The following CCDC80 variants were observed in gnomAD, a reference collection of about 807,000 sequenced individuals.
CCDC80 encodes coiled-coil domain containing 80.
Under a neutral mutation model 78.7 loss-of-function variants are expected in CCDC80, and 49 were observed. That is an observed-to-expected ratio of 0.62 (90% CI 0.50 to 0.79). The LOEUF is 0.79. CCDC80 is among the 30% of genes least tolerant of loss of function. The pLI, the probability that CCDC80 is intolerant of heterozygous loss-of-function variation, is 0.00. For missense variants in CCDC80, 1,205 were observed against 1,198.6 expected, an observed-to-expected ratio of 1.01 and a Z score of -0.08; for synonymous variants, 488 against 447.0, an observed-to-expected ratio of 1.09 and a Z score of -1.16.
intron 3 of CCDC80, among the ~76,000 whole-genome samples, chr3:112,628,880 C>G (rs946955545): frequency 6.6e-6 from 1 of 152,126 alleles, no homozygotes; most frequent in Admixed American, 6.5e-5. Context: ...ATAACTGATA[C>G]TTTACCCTGA....
intron 2 of CCDC80, among the ~76,000 whole-genome samples, chr3:112,637,622 A>T (rs1399447624): frequency 6.6e-6 from 1 of 152,120 alleles, no homozygotes; most frequent in Admixed American, 6.5e-5. Flanking sequence ...AAGTCAATGC[A>T]CTCCCTTTTA....
chr3:112,635,278 T>C (rs962169055), intron 2 of CCDC80, among the ~76,000 whole-genome samples: 5 of 152,264 alleles, frequency 3.3e-5, no homozygotes, highest in African/African-American at 1.2e-4. Flanking sequence ...GCTGAGAAGA[T>C]GAGCTGAAAG....
At chr3:112,628,290 C>T (rs73231368) in intron 3 of CCDC80, among the ~76,000 whole-genome samples, 16,643 of 152,184 alleles carry the variant, frequency 0.11, 994 homozygotes, top group South Asian at 0.2. Flanking sequence ...GTCTCTTGGG[C>T]TTCAGTTTTA....
rs1576777123 is a variant in CCDC80, at chr3:112,605,167, A to T, written c.*250T>A. 2.9e-6 allele frequency: 1 copy of T among 344,942 alleles called. No individual in the cohort carries two copies. The highest frequency in any genetic ancestry group is 4.6e-5 in the East Asian group (1 of 21,932). 21.4% of individuals were successfully genotyped at this position (344,942 alleles called of 1,614,324 possible). On this transcript the variant is annotated 3_prime_UTR_variant, in exon 8 of 8. Coordinates refer to ENST00000206423, the MANE Select transcript of CCDC80 (RefSeq NM_199511.3). ...ATATAAGAAAAGGAAAATAATATCA[A>T]TTTTCAGTACTATTATTTAGCACTA...
rs1313901951 is a variant in CCDC80 at position 112,636,532 on chromosome 3, C to T, written c.1878+1496G>A. Among the ~76,000 whole-genome samples, 4 of 152,224 alleles carry T rather than the reference C, an allele frequency of 2.6e-5. No homozygotes were observed. The East Asian group carries it at 7.7e-4, about 29-fold the overall frequency. On this transcript the variant is annotated intron_variant, in intron 2 of 7. Transcript: ENST00000206423. ...AAGAAAATTTGGGATATGTCCCACT[C>T]ATGATAAACATCACAAAGAACTTTG...
rs762206182 is a variant in CCDC80, at chr3:112,619,087, G to A, written c.2053C>T (p.Arg685Ter). The change falls in exon 4 of 8, where the codon CGA becomes TGA. Residue 685 changes from arginine (R) to a stop codon, truncating the protein, a stop_gained. Coordinates refer to ENST00000206423, the MANE Select transcript of CCDC80 (RefSeq NM_199511.3). LOFTEE classifies it high-confidence loss of function. ...ACCAAGTCTTCATCATCCACCACTCGCATGGGCTTCTCATTATCTTAAGGG... is the reference window on the plus strand; with the variant it reads ...ACCAAGTCTTCATCATCCACCACTCACATGGGCTTCTCATTATCTTAAGGG... ...HFQLDNEKPMRVVDDEDLVDQ... is the reference protein window; with the variant it reads ...HFQLDNEKPM 7.5e-6 allele frequency: 12 copies of A among 1,593,700 alleles called. No individual in the cohort carries two copies. The highest frequency in any genetic ancestry group is 9.4e-6 in the Non-Finnish European group (11 of 1,172,838).
rs1354854395 is a variant in CCDC80, at chr3:112,601,782, C to G, written c.*3635G>C. On this transcript the variant is annotated 3_prime_UTR_variant, in exon 8 of 8. Coordinates refer to ENST00000206423, the MANE Select transcript of CCDC80 (RefSeq NM_199511.3). ...ATGCCATATGATTGAAACAAATGCT[C>G]TTTTTTCAAAGACAAGGATTATACT... 2.0e-5 allele frequency: 3 copies of G among 151,838 alleles called. No homozygotes were observed. Among genetic ancestry groups the G allele is most frequent in the Admixed American group, 6.6e-5 (1 of 15,238 alleles). 9.4% of individuals were successfully genotyped at this position (151,838 alleles called of 1,614,324 possible). A position where few individuals can be genotyped will look rare whatever the true frequency, so the allele number is the denominator to read the frequency against.
At position 112,639,453 on chromosome 3, in the gene CCDC80, T is replaced by C. The variant is rs1338995678; in HGVS notation, c.453A>G (p.Val151=). Residue 151 remains valine, a synonymous_variant, in exon 2 of 8, where the codon GTA becomes GTG. Coordinates refer to ENST00000206423, the MANE Select transcript of CCDC80 (RefSeq NM_199511.3). ...AGGCATGAGGGGCTGAGATGACCCA[T>C]ACTCTGTTCTTCCCTGCAAAGCTGG... The part of the protein sequence containing the change: ...ILASFAGKNR[V]WVISAPHASE... 2 of 1,614,160 alleles carry C rather than the reference T, an allele frequency of 1.2e-6. No individual in the cohort carries two copies. The highest frequency in any genetic ancestry group is 2.2e-5 in the South Asian group (2 of 91,084).
chr3:112,629,721 C>T (rs1397243061), intron 3 of CCDC80, among the ~76,000 whole-genome samples: 2 of 152,134 alleles, frequency 1.3e-5, no homozygotes, highest in African/African-American at 4.8e-5. Flanking sequence ...TGGCAAGTCC[C>T]ATCTGTGATG....
intron 3 of CCDC80, among the ~76,000 whole-genome samples, chr3:112,624,325 G>A (rs1324159465): frequency 6.6e-6 from 1 of 152,208 alleles, no homozygotes; most frequent in Non-Finnish European, 1.5e-5. Context: ...CAAGAAGTCA[G>A]TAGGGGCCAA....
At position 112,601,352 on chromosome 3, in the gene CCDC80, A is replaced by C. The variant is rs117256510; in HGVS notation, c.*4065T>G. The C allele has an allele frequency of 1.6e-4, 24 of 152,306 alleles. No homozygotes were observed. The East Asian group carries it at 4.6e-3, about 29-fold the overall frequency. The allele number at this position is 152,306 out of a possible 1,614,324, so 9.4% of individuals were successfully genotyped here. On this transcript the variant is annotated 3_prime_UTR_variant, in exon 8 of 8. Transcript: ENST00000206423. ...TCTGTACTTATTAGAATTAATAATA[A>C]TACTAAAATGATTTGGAGAATTAAT...
rs1379255871 is a variant in CCDC80 at position 112,597,274 on chromosome 3, T to C, written c.*8143A>G. ...CGCCTCCTTCCTCCAATTAGGAAGC[T>C]AAGTGGGTAAGAAAGAAAAAATAAA... On this transcript the variant is annotated 3_prime_UTR_variant, in exon 8 of 8. Coordinates refer to ENST00000206423, the MANE Select transcript of CCDC80 (RefSeq NM_199511.3). 6.6e-6 allele frequency: 1 copy of C among 152,178 alleles called. No homozygotes were observed. The highest frequency in any genetic ancestry group is 1.5e-5 in the Non-Finnish European group (1 of 68,024). The allele number at this position is 152,178 out of a possible 1,614,324, so 9.4% of individuals were successfully genotyped here.
chr3:112,616,717 G>C lies in CCDC80; in HGVS notation c.2314C>G (p.Leu772Val). Residue 772 changes from leucine (L) to valine (V), a missense_variant, in exon 5 of 8, where the codon CTA becomes GTA. Coordinates refer to ENST00000206423, the MANE Select transcript of CCDC80 (RefSeq NM_199511.3). ...EDKKQSLENF[L>V]SRFRWRRRLL... ...ACTCCAAAGGTGATGTACCTGGATAGGAAGTTCTCCAGGGACTGCTTTTTG... is the reference window on the plus strand; with the variant it reads ...ACTCCAAAGGTGATGTACCTGGATACGAAGTTCTCCAGGGACTGCTTTTTG... 8 of 1,614,090 alleles carry C rather than the reference G, an allele frequency of 5.0e-6. No homozygotes were observed. Among genetic ancestry groups the C allele is most frequent in the Non-Finnish European group, 6.8e-6 (8 of 1,179,960 alleles).
At chr3:112,617,872 T>C (rs1336753823) in intron 4 of CCDC80, among the ~76,000 whole-genome samples, 1 of 152,264 alleles carries the variant, frequency 6.6e-6, no homozygotes, top group Non-Finnish European at 1.5e-5. Flanking sequence ...AGTATTAAGA[T>C]AAACTTTAGT....
Position 112,640,462 on chromosome 3 carries a change from G to T in CCDC80, c.-147C>A. The T allele has an allele frequency of 6.4e-6, 1 of 155,618 alleles. No homozygotes were observed. The highest frequency in any genetic ancestry group is 1.4e-5 in the Non-Finnish European group (1 of 70,248). 9.6% of individuals were successfully genotyped at this position (155,618 alleles called of 1,614,324 possible). A position where few individuals can be genotyped will look rare whatever the true frequency, so the allele number is the denominator to read the frequency against. The stretch of plus-strand genomic sequence containing the variant: ...ACCGAGGGTGAGCAATACAAAAGGG[G>T]TGTGCTGCAGCTCCAGCTTTCAGAG... On this transcript the variant is annotated 5_prime_UTR_variant, in exon 1 of 8. Coordinates refer to ENST00000206423, the MANE Select transcript of CCDC80 (RefSeq NM_199511.3).
Position 112,600,692 on chromosome 3 carries a change from C to G in CCDC80, c.*4725G>C, listed in dbSNP as rs1025032513. 6.6e-6 allele frequency: 1 copy of G among 152,582 alleles called. No individual in the cohort carries two copies. Among genetic ancestry groups the G allele is most frequent in the Non-Finnish European group, 1.5e-5 (1 of 68,472 alleles). 9.5% of individuals were successfully genotyped at this position (152,582 alleles called of 1,614,324 possible). On this transcript the variant is annotated 3_prime_UTR_variant, in exon 8 of 8. Coordinates refer to ENST00000206423, the MANE Select transcript of CCDC80 (RefSeq NM_199511.3). The stretch of plus-strand genomic sequence containing the variant: ...AATTTTTTGTATTTTTTTGTAGAGA[C>G]AGGGTTTTGCCGTGTTGCCCAGGCT...
chr3:112,628,540 G>A (rs1936026577), intron 3 of CCDC80, among the ~76,000 whole-genome samples: 1 of 152,138 alleles, frequency 6.6e-6, no homozygotes, highest in Non-Finnish European at 1.5e-5. Flanking sequence ...ATTTAATCCT[G>A]TGAAATAGAT....
At chr3:112,634,660 A>T (rs148952273) in intron 2 of CCDC80, among the ~76,000 whole-genome samples, 2 of 152,316 alleles carry the variant, frequency 1.3e-5, no homozygotes, top group East Asian at 3.9e-4. Flanking sequence ...GGGTGACTCA[A>T]GGTTGACAAT....
chr3:112,617,613 C>T (rs1243317237), intron 4 of CCDC80, among the ~76,000 whole-genome samples: 3 of 152,226 alleles, frequency 2.0e-5, no homozygotes, highest in Non-Finnish European at 4.4e-5. Context: ...GATGAGACAA[C>T]ATGTGTGCAG....
Sources: gnomAD v4.1 joint callset for allele counts (sites outside exome capture counted in the v4.1 genomes callset) on GRCh38, gnomAD v4.1.1 for gene constraint, MANE v1.5 for transcripts, NCBI Gene and HGNC (gene_info 2026-07-23, HGNC 2026-07-21) for gene names.